The following MMP16 variants were observed in gnomAD, a reference collection of about 807,000 sequenced individuals.
MMP16 encodes matrix metallopeptidase 16.
Under a neutral mutation model 67.8 loss-of-function variants are expected in MMP16, and 12 were observed. The ratio of observed to expected loss-of-function variants is 0.18; its 90% confidence interval spans 0.11 to 0.29. MMP16 has a LOEUF of 0.29. MMP16 is among the 10% of genes least tolerant of loss of function. The probability of loss-of-function intolerance (pLI) is 1.00; values close to 1 mark genes in which losing one functional copy is unlikely to be tolerated. For synonymous variants in MMP16, 249 were observed against 255.9 expected, an observed-to-expected ratio of 0.97 and a Z score of 0.26; for missense variants, 475 against 765.7, an observed-to-expected ratio of 0.62 and a Z score of 4.48.
At position 88,033,820 on chromosome 8, in the gene MMP16, TTCTA is replaced by T. The variant is rs893453357; in HGVS notation, c.*7637_*7640del. 2.0e-5 allele frequency: 3 copies of T among 152,072 alleles called. No individual in the cohort carries two copies. Among genetic ancestry groups the T allele is most frequent in the Non-Finnish European group, 4.4e-5 (3 of 67,962 alleles). The allele number at this position is 152,072 out of a possible 1,614,324, so 9.4% of individuals were successfully genotyped here. A position where few individuals can be genotyped will look rare whatever the true frequency, so the allele number is the denominator to read the frequency against. ...CTCTGTAACACCCCTAATTCTTTGA[TTCTA>T]TCTCTCTTTCTAATATATATGTAAT... On this transcript the variant is annotated 3_prime_UTR_variant, in exon 10 of 10. Transcript: ENST00000286614.
At chr8:88,238,825 GA>G (rs1181573531) in intron 1 of MMP16, among the ~76,000 whole-genome samples, 2 of 151,454 alleles carry the variant, frequency 1.3e-5, no homozygotes, top group African/African-American at 4.9e-5. Flanking sequence ...TACTATGATA[GA>G]AAAAAATAAA....
chr8:88,326,984 G>T (rs1302315281), intron 1 of MMP16, 91 bp downstream of exon 1: 2 of 1,541,038 alleles, frequency 1.3e-6, no homozygotes, highest in Non-Finnish European at 1.8e-6. Context: ...GACCCAGGCT[G>T]CTCTGAGCTA....
At chr8:88,097,401 AGAT>A (rs1809047017) in intron 6 of MMP16, among the ~76,000 whole-genome samples, 1 of 151,722 alleles carries the variant, frequency 6.6e-6, no homozygotes, top group Non-Finnish European at 1.5e-5. Flanking sequence ...TGAGGTGATC[AGAT>A]GACTTGTGCC....
chr8:88,075,747 G>A (rs1005400793), intron 6 of MMP16, among the ~76,000 whole-genome samples: 11 of 151,950 alleles, frequency 7.2e-5, no homozygotes, highest in Admixed American at 1.3e-4. Flanking sequence ...TGGAAGTTAA[G>A]TATATCCACT....
chr8:88,049,070 G>A (rs2616496), intron 8 of MMP16, among the ~76,000 whole-genome samples: 78,041 of 151,922 alleles, frequency 0.51, 21,136 homozygotes, highest in East Asian at 0.7. Context: ...TGCCCAAAGA[G>A]GAGTTTACAC....
At chr8:88,202,725 A>G (rs1809363516) in intron 1 of MMP16, among the ~76,000 whole-genome samples, 1 of 152,204 alleles carries the variant, frequency 6.6e-6, no homozygotes, top group African/African-American at 2.4e-5. Context: ...AAGCATGTAT[A>G]TGATACCACA....
chr8:88,043,563 G>A (rs564332970), intron 9 of MMP16, among the ~76,000 whole-genome samples: 1 of 152,122 alleles, frequency 6.6e-6, no homozygotes, highest in Admixed American at 6.5e-5. Context: ...AAACATCCAA[G>A]GGTGTGATAG....
At chr8:88,267,670 A>G (rs937340215) in intron 1 of MMP16, among the ~76,000 whole-genome samples, 1 of 152,242 alleles carries the variant, frequency 6.6e-6, no homozygotes, top group Non-Finnish European at 1.5e-5. Context: ...TATCAAAGGT[A>G]GCACATGGTG....
At chr8:88,144,113 G>A (rs1808254279) in intron 4 of MMP16, among the ~76,000 whole-genome samples, 2 of 151,692 alleles carry the variant, frequency 1.3e-5, no homozygotes, top group Non-Finnish European at 2.9e-5. Flanking sequence ...TTTAAACAGG[G>A]GCTATTGACT....
intron 1 of MMP16, among the ~76,000 whole-genome samples, chr8:88,315,157 T>C (rs934079854): frequency 2.6e-5 from 4 of 152,210 alleles, no homozygotes; most frequent in African/African-American, 9.6e-5. Flanking sequence ...CTTATTGCAC[T>C]TCACAGATAA....
chr8:88,279,806 A>T (rs1413246461), intron 1 of MMP16, among the ~76,000 whole-genome samples: 1 of 152,168 alleles, frequency 6.6e-6, no homozygotes, highest in Non-Finnish European at 1.5e-5. Flanking sequence ...CATCCATCTA[A>T]AAGGAACTCT....
rs1808345369 is a variant in MMP16, at chr8:88,148,989, G to A, written c.709+18680C>T. ...TAGGGAGTGCCAGACAGTGGGCGCA[G>A]GCCAGTGGGTGCGCGCACCGGGCGC... On this transcript the variant is annotated intron_variant, in intron 4 of 9. Coordinates refer to ENST00000286614, the MANE Select transcript of MMP16 (RefSeq NM_005941.5). Among the ~76,000 whole-genome samples the A allele has an allele frequency of 2.6e-5, 4 of 152,216 alleles. No individual in the cohort carries two copies. In the South Asian group the frequency reaches 6.2e-4, roughly 24 times the overall value.
Position 88,148,350 on chromosome 8 carries a change from T to C in MMP16, c.709+19319A>G, listed in dbSNP as rs79128842. Among the ~76,000 whole-genome samples the C allele has an allele frequency of 3.7e-3, 569 of 152,358 alleles. 5 individuals are homozygous for C. Among genetic ancestry groups the C allele is most frequent in the African/African-American group, 0.012 (498 of 41,582 alleles). On this transcript the variant is annotated intron_variant, in intron 4 of 9. Coordinates refer to ENST00000286614, the MANE Select transcript of MMP16 (RefSeq NM_005941.5). ...TTAATCTATTGTTTAGAGCTGATTC[T>C]CATTCATGATAATGTTTCCTTCAGT...
At chr8:88,281,900 C>T (rs1056261490) in intron 1 of MMP16, among the ~76,000 whole-genome samples, 1 of 152,154 alleles carries the variant, frequency 6.6e-6, no homozygotes, top group Non-Finnish European at 1.5e-5. Flanking sequence ...ACCACAAGCT[C>T]TTCTATGTCC....
intron 1 of MMP16, among the ~76,000 whole-genome samples, chr8:88,315,668 G>A (rs1477797094): frequency 6.6e-6 from 1 of 151,916 alleles, no homozygotes; most frequent in Non-Finnish European, 1.5e-5. Flanking sequence ...CCTCTCTTTG[G>A]GCTTCCCTAT....
intron 1 of MMP16, among the ~76,000 whole-genome samples, chr8:88,237,288 C>A (rs1348839863): frequency 6.6e-6 from 1 of 152,178 alleles, no homozygotes; most frequent in African/African-American, 2.4e-5. Flanking sequence ...GCGTTTTGCT[C>A]AAAGTCACAC....
chr8:88,044,235 C>T (rs963696482), intron 9 of MMP16, among the ~76,000 whole-genome samples: 1 of 152,124 alleles, frequency 6.6e-6, no homozygotes, highest in Non-Finnish European at 1.5e-5. Flanking sequence ...TGCTTGAGCC[C>T]AGGAGTTCAA....
chr8:88,203,230 A>T (rs769534712), intron 1 of MMP16, among the ~76,000 whole-genome samples: 7 of 149,894 alleles, frequency 4.7e-5, no homozygotes, highest in Non-Finnish European at 8.9e-5. Flanking sequence ...CAGCCTCCCG[A>T]GTAGGTGGGA....
At chr8:88,279,563 G>C (rs554523301) in intron 1 of MMP16, among the ~76,000 whole-genome samples, 12 of 152,192 alleles carry the variant, frequency 7.9e-5, no homozygotes, top group Non-Finnish European at 1.3e-4. Flanking sequence ...TCATGTAGGA[G>C]TAAGGAAGCA....
Sources: gnomAD v4.1 joint callset for allele counts (sites outside exome capture counted in the v4.1 genomes callset) on GRCh38, gnomAD v4.1.1 for gene constraint, MANE v1.5 for transcripts, NCBI Gene and HGNC (gene_info 2026-07-23, HGNC 2026-07-21) for gene names.